The following ABHD17B variants were observed in gnomAD, a reference collection of about 807,000 sequenced individuals.
ABHD17B encodes the protein abhydrolase domain containing 17B, depalmitoylase.
ABHD17B carries 9 observed loss-of-function variants against 26.2 expected under a neutral mutation model. That is an observed-to-expected ratio of 0.34 (90% CI 0.21 to 0.60). The LOEUF (loss-of-function observed/expected upper bound fraction) is 0.60. Ranked by LOEUF, ABHD17B falls within the 20% of genes least tolerant of loss-of-function variation. The pLI, the probability that ABHD17B is intolerant of heterozygous loss-of-function variation, is 0.80. For missense variants in ABHD17B, 224 were observed against 352.1 expected, an observed-to-expected ratio of 0.64 and a Z score of 2.91; for synonymous variants, 127 against 122.3, an observed-to-expected ratio of 1.04 and a Z score of -0.25.
chr9:71,890,804 T>A (rs1265073506), intron 1 of ABHD17B, among the ~76,000 whole-genome samples: 4 of 152,214 alleles, frequency 2.6e-5, no homozygotes, highest in Admixed American at 2.6e-4. Context: ...CATATTCCAA[T>A]TTATTAGAAT....
At chr9:71,878,384 A>G (rs994774926) in intron 1 of ABHD17B, among the ~76,000 whole-genome samples, 1 of 152,198 alleles carries the variant, frequency 6.6e-6, no homozygotes, top group African/African-American at 2.4e-5. Flanking sequence ...TATCCATACT[A>G]TAGAAGTTCC....
At chr9:71,909,580 T>C (rs555345145) in intron 1 of ABHD17B, among the ~76,000 whole-genome samples, 1 of 152,364 alleles carries the variant, frequency 6.6e-6, no homozygotes, top group East Asian at 1.9e-4. Context: ...TCTGGCTTTC[T>C]ACTCCGACTC....
chr9:71,901,733 G>T (rs1827148227), intron 1 of ABHD17B, among the ~76,000 whole-genome samples: 1 of 151,908 alleles, frequency 6.6e-6, no homozygotes, highest in Non-Finnish European at 1.5e-5. Context: ...ATTCAATCAA[G>T]GTCTACTTCC....
At chr9:71,868,287 A>C (rs1826015367) in intron 3 of ABHD17B, among the ~76,000 whole-genome samples, 1 of 152,154 alleles carries the variant, frequency 6.6e-6, no homozygotes, top group South Asian at 2.1e-4. Flanking sequence ...TCAGCCCTTT[A>C]GTTGATCTGC....
intron 1 of ABHD17B, among the ~76,000 whole-genome samples, chr9:71,906,924 T>A (rs1178451123): frequency 6.6e-6 from 1 of 152,202 alleles, no homozygotes; most frequent in Non-Finnish European, 1.5e-5. Context: ...TTACACTTGG[T>A]GGCTAATCTT....
intron 1 of ABHD17B, among the ~76,000 whole-genome samples, chr9:71,875,404 T>C (rs1182157239): frequency 6.6e-6 from 1 of 152,148 alleles, no homozygotes; most frequent in East Asian, 1.9e-4. Context: ...TTTGTATTTT[T>C]AGTAGAGATG....
intron 1 of ABHD17B, among the ~76,000 whole-genome samples, chr9:71,877,901 C>A (rs894803556): frequency 2.6e-5 from 4 of 152,212 alleles, no homozygotes; most frequent in Middle Eastern, 3.4e-3. Flanking sequence ...CAGAATGACT[C>A]CCCTCTTCCA....
chr9:71,864,655 C>T (rs1280556732), downstream of ABHD17B, among the ~76,000 whole-genome samples: 4 of 152,060 alleles, frequency 2.6e-5, no homozygotes, highest in African/African-American at 9.7e-5. Flanking sequence ...GCTGAAATAC[C>T]ACTTCTCTGG....
At chr9:71,887,181 G>A (rs1432890413) in intron 1 of ABHD17B, among the ~76,000 whole-genome samples, 1 of 152,076 alleles carries the variant, frequency 6.6e-6, no homozygotes, top group Non-Finnish European at 1.5e-5. Flanking sequence ...CTCACTGGTG[G>A]AAAGTACTGG....
rs368121893 is a variant in ABHD17B, at chr9:71,885,847, TC to T, written c.-3-10765del. ...TCCTTTTGATCTCCTTGTAATAGTT[TC>T]TTGGTAATGCAGACCAACTCATATT... is the stretch of plus-strand genomic sequence containing the variant. On this transcript the variant is annotated intron_variant, in intron 1 of 3. Transcript: ENST00000333421. Among the ~76,000 whole-genome samples the T allele has an allele frequency of 1.5e-3, 223 of 152,338 alleles. 1 individual carries two copies. The highest frequency in any genetic ancestry group is 0.014 in the Middle Eastern group (4 of 294).
In ABHD17B at chr9:71,866,076, T is replaced by C; in HGVS notation, c.*711A>G. ...AAGTAACCAGCATGAAAATTTTAAG[T>C]ACTTGCCTCACAGTACCAAACTTAG... On this transcript the variant is annotated 3_prime_UTR_variant, in exon 4 of 4. Coordinates refer to ENST00000333421, the MANE Select transcript of ABHD17B (RefSeq NM_001025780.3). 1.0e-6 allele frequency: 1 copy of C among 985,554 alleles called. No individual in the cohort carries two copies. The highest frequency in any genetic ancestry group is 5.2e-4 in the Middle Eastern group (1 of 1,914). 61.1% of individuals were successfully genotyped at this position (985,554 alleles called of 1,614,324 possible).
rs200191910 is a variant in ABHD17B, at chr9:71,866,841, T to C, written c.813A>G (p.Gly271=). ...GAGHNDVELY[G]QYLERLKQFV... is the part of the protein sequence containing the mutation. Reference sequence around the variant, plus strand: ...ACTGTTTCAACCTTTCAAGATACTGTCCATAAAGTTCCACATCATTGTGAC... The same window carrying C: ...ACTGTTTCAACCTTTCAAGATACTGCCCATAAAGTTCCACATCATTGTGAC... The change falls in exon 4 of 4, where the codon GGA becomes GGG. Residue 271 remains glycine (G), a synonymous_variant. Coordinates refer to ENST00000333421, the MANE Select transcript of ABHD17B (RefSeq NM_001025780.3). 458 of 1,614,186 alleles carry C rather than the reference T, an allele frequency of 2.8e-4. 2 individuals carry two copies. Among genetic ancestry groups the C allele is most frequent in the Admixed American group, 8.5e-4 (51 of 60,020 alleles).
At chr9:71,869,736 T>C (rs1589210738) in intron 3 of ABHD17B, among the ~76,000 whole-genome samples, 2 of 152,194 alleles carry the variant, frequency 1.3e-5, no homozygotes, top group Non-Finnish European at 2.9e-5. Flanking sequence ...GGCAGAAACA[T>C]GGTAGTCATG....
rs1484400759 is a variant in ABHD17B at position 71,874,602 on chromosome 9, A to T, written c.467+12T>A. The T allele has an allele frequency of 2.6e-6, 4 of 1,533,432 alleles. No individual in the cohort carries two copies. The African/African-American group carries it at 5.6e-5, about 21-fold the overall frequency. 95.0% of individuals were successfully genotyped at this position (1,533,432 alleles called of 1,614,324 possible). A position where few individuals can be genotyped will look rare whatever the true frequency, so the allele number is the denominator to read the frequency against. ...CCACGAGTATGAAAAATAAATTCCA[A>T]CCACAATTTACCTTGTCCTAAGAGC... On this transcript the variant is annotated intron_variant, in intron 2 of 3. Transcript: ENST00000333421.
intron 1 of ABHD17B, among the ~76,000 whole-genome samples, chr9:71,889,946 T>C (rs1280668358): frequency 2.0e-5 from 3 of 152,020 alleles, no homozygotes; most frequent in South Asian, 2.1e-4. Context: ...TTATTTCTTA[T>C]CACAGTGTAG....
At position 71,866,071 on chromosome 9, in the gene ABHD17B, T is replaced by C; in HGVS notation, c.*716A>G. On this transcript the variant is annotated 3_prime_UTR_variant, in exon 4 of 4. Transcript: ENST00000333421. Reference sequence around the variant, plus strand: ...CTTTTAAGTAACCAGCATGAAAATTTTAAGTACTTGCCTCACAGTACCAAA... The same window carrying C: ...CTTTTAAGTAACCAGCATGAAAATTCTAAGTACTTGCCTCACAGTACCAAA... 1.0e-6 allele frequency: 1 copy of C among 985,560 alleles called. No homozygotes were observed. The highest frequency in any genetic ancestry group is 1.2e-6 in the Non-Finnish European group (1 of 829,928). The allele number at this position is 985,560 out of a possible 1,614,324, so 61.1% of individuals were successfully genotyped here.
chr9:71,867,646 T>G (rs1825994631), intron 3 of ABHD17B, among the ~76,000 whole-genome samples: 1 of 152,026 alleles, frequency 6.6e-6, no homozygotes. Flanking sequence ...AGGGGGTGAT[T>G]GAAATATACA....
At chr9:71,880,724 T>G (rs1013891442) in intron 1 of ABHD17B, among the ~76,000 whole-genome samples, 1 of 151,868 alleles carries the variant, frequency 6.6e-6, no homozygotes, top group Non-Finnish European at 1.5e-5. Flanking sequence ...AACGACTATC[T>G]AGGAATTAAT....
At chr9:71,880,606 T>C (rs1326220820) in intron 1 of ABHD17B, among the ~76,000 whole-genome samples, 1 of 152,116 alleles carries the variant, frequency 6.6e-6, no homozygotes, top group Admixed American at 6.5e-5. Context: ...CTCAGCAATT[T>C]TGGCAAATGC....
Sources: allele counts gnomAD v4.1 joint callset (sites outside exome capture counted in the v4.1 genomes callset), GRCh38; gene constraint gnomAD v4.1.1; transcripts MANE v1.5; gene names NCBI Gene and HGNC (gene_info 2026-07-23, HGNC 2026-07-21).